The following M1AP variants were observed in gnomAD, a reference collection of about 807,000 sequenced individuals.
M1AP encodes the protein meiosis 1 associated protein.
M1AP carries 39 observed loss-of-function variants against 51.2 expected under a neutral mutation model. The ratio of observed to expected loss-of-function variants is 0.76; its 90% CI spans 0.59 to 1.00. M1AP has a LOEUF of 1.00. Among genes scored for constraint, M1AP ranks in the 50% least tolerant of loss-of-function variants. The pLI is 0.00. For missense variants in M1AP, 545 were observed against 641.2 expected, an observed-to-expected ratio of 0.85 and a Z score of 1.62; for synonymous variants, 251 against 249.2, an observed-to-expected ratio of 1.01 and a Z score of -0.07.
intron 4 of M1AP, among the ~76,000 whole-genome samples, chr2:74,604,208 G>A (rs1680837420): frequency 6.6e-6 from 1 of 152,184 alleles, no homozygotes; most frequent in Non-Finnish European, 1.5e-5. Flanking sequence ...AGGCTCTGGT[G>A]TAGGGAAGCA....
intron 1 of M1AP, 64 bp downstream of exon 1, chr2:74,648,201 G>A: frequency 2.1e-6 from 2 of 959,566 alleles, no homozygotes; most frequent in Admixed American, 6.1e-5. Flanking sequence ...GCCCAGCCCA[G>A]CCTGCGAAGT....
At chr2:74,572,857 A>G (rs1001950506) in intron 7 of M1AP, among the ~76,000 whole-genome samples, 2 of 152,242 alleles carry the variant, frequency 1.3e-5, no homozygotes, top group Non-Finnish European at 2.9e-5. Flanking sequence ...TTTCCAAGAC[A>G]GAAGACTAAC....
chr2:74,630,965 T>C (rs77345479), intron 2 of M1AP, among the ~76,000 whole-genome samples: 12,252 of 152,258 alleles, frequency 0.08, 1,381 homozygotes, highest in African/African-American at 0.25. Flanking sequence ...TTAGTTTCAT[T>C]TAATGCATTT....
At chr2:74,601,748 AT>A (rs1680692565) in intron 4 of M1AP, among the ~76,000 whole-genome samples, 1 of 152,200 alleles carries the variant, frequency 6.6e-6, no homozygotes, top group African/African-American at 2.4e-5. Context: ...TGTGAATGTA[AT>A]TTAAAGCTAA....
intron 2 of M1AP, among the ~76,000 whole-genome samples, chr2:74,623,251 C>G (rs1037330570): frequency 6.6e-6 from 1 of 152,042 alleles, no homozygotes; most frequent in Non-Finnish European, 1.5e-5. Flanking sequence ...CGCCTGTAAT[C>G]CCAGCACTAT....
At chr2:74,643,062 T>G (rs1273999854) in intron 1 of M1AP, among the ~76,000 whole-genome samples, 1 of 152,120 alleles carries the variant, frequency 6.6e-6, no homozygotes, top group East Asian at 1.9e-4. Flanking sequence ...TGCTGCACTC[T>G]CTTACTAATT....
intron 2 of M1AP, among the ~76,000 whole-genome samples, chr2:74,632,313 C>T (rs970832850): frequency 6.6e-6 from 1 of 152,224 alleles, no homozygotes; most frequent in Non-Finnish European, 1.5e-5. Flanking sequence ...GGATTCAGAA[C>T]CCCTAGCTGG....
At chr2:74,577,816 G>A (rs1255910420) in intron 5 of M1AP, among the ~76,000 whole-genome samples, 1 of 152,178 alleles carries the variant, frequency 6.6e-6, no homozygotes, top group Non-Finnish European at 1.5e-5. Flanking sequence ...CTTTAGGACT[G>A]GACAGCTGTG....
rs917460943 is a variant in M1AP at position 74,557,999 on chromosome 2, G to C, written c.*717C>G. The C allele has an allele frequency of 6.6e-6, 1 of 151,948 alleles. No homozygotes were observed. The highest frequency in any genetic ancestry group is 1.5e-5 in the Non-Finnish European group (1 of 68,122). 9.4% of individuals were successfully genotyped at this position (151,948 alleles called of 1,614,324 possible). On this transcript the variant is annotated 3_prime_UTR_variant, in exon 11 of 11. Coordinates refer to ENST00000421985, the MANE Select transcript of M1AP (RefSeq NM_001321739.2). ...GATCATCCCACCTCAGCCTCTCAAA[G>C]TGTTGGGATTACAGGTGTGAGCCAC...
At chr2:74,612,176 C>T (rs1173734743) in intron 3 of M1AP, among the ~76,000 whole-genome samples, 2 of 151,738 alleles carry the variant, frequency 1.3e-5, no homozygotes, top group Non-Finnish European at 2.9e-5. Context: ...CAGGTGTGAG[C>T]CACTGCGCCC....
chr2:74,604,828 G>A (rs1300068811), intron 4 of M1AP, among the ~76,000 whole-genome samples: 2 of 152,130 alleles, frequency 1.3e-5, no homozygotes, highest in Non-Finnish European at 2.9e-5. Flanking sequence ...ATGTCATTAA[G>A]GTACAGAGTG....
chr2:74,590,213 G>C (rs1238401435), intron 4 of M1AP, among the ~76,000 whole-genome samples: 2 of 152,134 alleles, frequency 1.3e-5, no homozygotes, highest in African/African-American at 4.8e-5. Flanking sequence ...CAAGGTGCTG[G>C]CAGATTCAAT....
chr2:74,639,302 C>A (rs1372105034), intron 2 of M1AP, among the ~76,000 whole-genome samples: 1 of 152,174 alleles, frequency 6.6e-6, no homozygotes, highest in Non-Finnish European at 1.5e-5. Context: ...TTTTGGAAAT[C>A]TTAAATAAGA....
At chr2:74,627,251 A>G (rs1385955853) in intron 2 of M1AP, among the ~76,000 whole-genome samples, 2 of 152,132 alleles carry the variant, frequency 1.3e-5, no homozygotes, top group Non-Finnish European at 2.9e-5. Flanking sequence ...TTCATTCATA[A>G]GTATTTGATC....
At chr2:74,599,838 T>G (rs1480422343) in intron 4 of M1AP, among the ~76,000 whole-genome samples, 1 of 152,000 alleles carries the variant, frequency 6.6e-6, no homozygotes, top group Non-Finnish European at 1.5e-5. Context: ...CAGGATTTTT[T>G]TTTTTTTTTA....
intron 4 of M1AP, among the ~76,000 whole-genome samples, chr2:74,600,324 T>C (rs530847312): frequency 1.3e-5 from 2 of 152,356 alleles, no homozygotes; most frequent in African/African-American, 4.8e-5. Context: ...GCCGTAATTA[T>C]GACCTAAAAA....
chr2:74,566,531 G>T (rs768995883), intron 7 of M1AP, among the ~76,000 whole-genome samples: 1 of 152,112 alleles, frequency 6.6e-6, no homozygotes, highest in Non-Finnish European at 1.5e-5. Context: ...TAGTGTGACT[G>T]GGGGGAAGAT....
intron 4 of M1AP, among the ~76,000 whole-genome samples, chr2:74,593,579 C>A (rs1680166065): frequency 6.6e-6 from 1 of 152,124 alleles, no homozygotes; most frequent in Non-Finnish European, 1.5e-5. Context: ...CAAGGTTTCA[C>A]CATGTTTGCC....
At position 74,576,483 on chromosome 2, in the gene M1AP, G is replaced by A. The variant is rs1679075291; in HGVS notation, c.905C>T (p.Ala302Val). 6.2e-7 allele frequency: 1 copy of A among 1,613,818 alleles called. No individual in the cohort carries two copies. Among genetic ancestry groups the A allele is most frequent in the Non-Finnish European group, 8.5e-7 (1 of 1,179,994 alleles). Residue 302 changes from alanine to valine, a missense_variant, in exon 6 of 11, where the codon GCC (alanine) becomes GTC (valine). Transcript: ENST00000421985. ...TLYQMASQSSASHYKLQVIKA... is the reference protein window; with the variant it reads ...TLYQMASQSSVSHYKLQVIKA... ...GATCACTTGGAGCTTGTAATGAGAGGCCGATGACTGGGAAGCCATCTGGTA... is the reference window on the plus strand; with the variant it reads ...GATCACTTGGAGCTTGTAATGAGAGACCGATGACTGGGAAGCCATCTGGTA...
Sources: allele counts gnomAD v4.1 joint callset (sites outside exome capture counted in the v4.1 genomes callset), GRCh38; gene constraint gnomAD v4.1.1; transcripts MANE v1.5; gene names NCBI Gene and HGNC (gene_info 2026-07-23, HGNC 2026-07-21).